The following DTWD2 variants were observed in gnomAD, a reference collection of about 807,000 sequenced individuals.
DTWD2 encodes DTW motif tRNA-uridine aminocarboxypropyltransferase 2, also known as tRNA-uridine aminocarboxypropyltransferase 2.
Under a neutral mutation model 31.8 loss-of-function variants are expected in DTWD2, and 39 were observed. That is an observed-to-expected ratio of 1.22 (90% CI 0.95 to 1.60). DTWD2 has a LOEUF of 1.60. Among genes scored for constraint, DTWD2 ranks in the 40% most tolerant of loss-of-function variants. The probability of loss-of-function intolerance (pLI) is 0.00; values close to 1 mark genes in which losing one functional copy is unlikely to be tolerated. For missense variants in DTWD2, 515 were observed against 381.5 expected, an observed-to-expected ratio of 1.35 and a Z score of -2.92; for synonymous variants, 180 against 142.8, an observed-to-expected ratio of 1.26 and a Z score of -1.86.
chr5:118,868,838 T>TAAAAA (rs758949446), intron 4 of DTWD2, among the ~76,000 whole-genome samples: 2 of 107,838 alleles, frequency 1.9e-5, no homozygotes, highest in Admixed American at 2.1e-4. Context: ...CCCTGTCTCT[T>TAAAAA]AAAAAAAAAA....
Position 118,974,656 on chromosome 5 carries a change from T to A in DTWD2, c.218+13638A>T, listed in dbSNP as rs776708025. 5 of 507,184 alleles carry A rather than the reference T, an allele frequency of 9.9e-6. No homozygotes were observed. The East Asian group carries it at 2.7e-4, about 28-fold the overall frequency. The allele number at this position is 507,184 out of a possible 1,614,324, so 31.4% of individuals were successfully genotyped here. ...CTGTACTATAAGTAGTTGGTTTGTA[T>A]GAGATGGTTAAAAAGGCCAAAGATA... is the stretch of plus-strand genomic sequence containing the variant. On this transcript the variant is annotated intron_variant, in intron 1 of 5. Transcript: ENST00000510708.
chr5:118,938,440 T>C (rs1181235101), intron 3 of DTWD2, among the ~76,000 whole-genome samples: 2 of 152,192 alleles, frequency 1.3e-5, no homozygotes, highest in South Asian at 2.1e-4. Context: ...GTATGTCTCT[T>C]AATCATTCCC....
chr5:118,869,179 T>C (rs966697920), intron 4 of DTWD2, among the ~76,000 whole-genome samples: 3 of 152,190 alleles, frequency 2.0e-5, no homozygotes, highest in Admixed American at 6.6e-5. Context: ...CACCGAACTA[T>C]ATATTTAAAA....
intron 4 of DTWD2, among the ~76,000 whole-genome samples, chr5:118,926,738 T>C (rs1213553218): frequency 6.6e-6 from 1 of 152,016 alleles, no homozygotes; most frequent in Non-Finnish European, 1.5e-5. Context: ...AGGGTCTCTC[T>C]CTGGCACCCA....
In DTWD2 at chr5:118,867,592, T is replaced by C. The variant is rs981162325; in HGVS notation, c.598-19374A>G. On this transcript the variant is annotated intron_variant, in intron 4 of 5. Coordinates refer to ENST00000510708, the MANE Select transcript of DTWD2 (RefSeq NM_173666.4). ...GTCTTCCATTTTCTTAACTAAATAT[T>C]ATGGAAGCATCTCAAAAAAATACAT... 7.2e-5 allele frequency among the ~76,000 whole-genome samples: 11 copies of C among 152,188 alleles called. No homozygotes were observed. In the East Asian group the frequency reaches 2.1e-3, roughly 29 times the overall value.
chr5:118,944,505 T>C, intron 2 of DTWD2, 54 bp downstream of exon 2: 1 of 1,533,446 alleles, frequency 6.5e-7, no homozygotes, highest in Middle Eastern at 1.7e-4. Context: ...ATCTTCGTGT[T>C]TCCTCTTGTG....
At chr5:118,880,092 TAA>T (rs1752708972) in intron 4 of DTWD2, among the ~76,000 whole-genome samples, 1 of 152,230 alleles carries the variant, frequency 6.6e-6, no homozygotes, top group Non-Finnish European at 1.5e-5. Flanking sequence ...TTTTGACAGT[TAA>T]AAGAGAGTTT....
intron 4 of DTWD2, among the ~76,000 whole-genome samples, chr5:118,871,266 C>A (rs570530722): frequency 3.9e-5 from 6 of 152,094 alleles, no homozygotes; most frequent in Admixed American, 1.3e-4. Context: ...AGTCTTGAAC[C>A]CCTCAAAGTC....
intron 1 of DTWD2, among the ~76,000 whole-genome samples, chr5:118,965,582 A>T (rs1754824668): frequency 6.6e-6 from 1 of 152,244 alleles, no homozygotes; most frequent in Non-Finnish European, 1.5e-5. Flanking sequence ...GTACTAAGAA[A>T]AATTCTTCTG....
At chr5:118,878,439 T>C (rs1752668614) in intron 4 of DTWD2, among the ~76,000 whole-genome samples, 1 of 152,188 alleles carries the variant, frequency 6.6e-6, no homozygotes, top group African/African-American at 2.4e-5. Flanking sequence ...TAAATGGTGC[T>C]AGGATAACTG....
chr5:118,918,295 G>T (rs941685704), intron 4 of DTWD2, among the ~76,000 whole-genome samples: 2 of 152,010 alleles, frequency 1.3e-5, no homozygotes, highest in Admixed American at 1.3e-4. Flanking sequence ...CAATCTGACC[G>T]CCAAGAGATG....
At chr5:118,954,046 G>A (rs1252898810) in intron 1 of DTWD2, among the ~76,000 whole-genome samples, 1 of 152,162 alleles carries the variant, frequency 6.6e-6, no homozygotes, top group East Asian at 1.9e-4. Flanking sequence ...TGAGGAGAAA[G>A]GATCACTTGA....
intron 2 of DTWD2, among the ~76,000 whole-genome samples, chr5:118,944,088 T>C (rs887712171): frequency 1.2e-4 from 18 of 152,258 alleles, no homozygotes; most frequent in African/African-American, 4.3e-4. Context: ...TCTTTACATA[T>C]AACATGCATT....
In DTWD2 at chr5:118,841,025, G is replaced by A; in HGVS notation, c.789C>T (p.Arg263=). The stretch of plus-strand genomic sequence containing the variant: ...TTTTCAGAAGGTGTTCCTTGCTGAG[G>A]CGAATTTGGGCACCATGCTGAAGTT... The part of the protein sequence containing the change: ...SFQLQHGAQI[R]LSKEHLLKNG... Residue 263 remains arginine, a synonymous_variant, in exon 6 of 6, where the codon CGC becomes CGT. Transcript: ENST00000510708. 6.2e-7 allele frequency: 1 copy of A among 1,613,564 alleles called. No homozygotes were observed. Among genetic ancestry groups the A allele is most frequent in the Non-Finnish European group, 8.5e-7 (1 of 1,179,724 alleles).
rs1357795642 is a variant in DTWD2 at position 118,988,288 on chromosome 5, G to C, written c.218+6C>G. The C allele has an allele frequency of 9.8e-6, 15 of 1,524,016 alleles. No individual in the cohort carries two copies. Among genetic ancestry groups the C allele is most frequent in the Non-Finnish European group, 2.6e-6 (3 of 1,140,350 alleles). 94.4% of individuals were successfully genotyped at this position (1,524,016 alleles called of 1,614,324 possible). On this transcript the variant is annotated splice_donor_region_variant and intron_variant, in intron 1 of 5. Coordinates refer to ENST00000510708, the MANE Select transcript of DTWD2 (RefSeq NM_173666.4). ...CTGCAGTCCCCGCCCCCAGCCCCGC[G>C]GTCACCTGCAGCGGGTGCACTCAGG...
chr5:118,884,227 GT>G (rs1223466750), intron 4 of DTWD2, among the ~76,000 whole-genome samples: 6 of 152,216 alleles, frequency 3.9e-5, no homozygotes, highest in African/African-American at 1.2e-4. Flanking sequence ...CATACATGTA[GT>G]TCCTTTTGTA....
chr5:118,862,373 C>A (rs955931710), intron 4 of DTWD2, among the ~76,000 whole-genome samples: 9 of 152,114 alleles, frequency 5.9e-5, no homozygotes, highest in Admixed American at 5.9e-4. Flanking sequence ...GGAGGGCATC[C>A]TTTTACATCC....
intron 1 of DTWD2, among the ~76,000 whole-genome samples, chr5:118,949,518 T>A (rs1163274737): frequency 6.6e-6 from 1 of 152,136 alleles, no homozygotes; most frequent in African/African-American, 2.4e-5. Context: ...ACTTGTCTGG[T>A]TTTTGGATGG....
chr5:118,951,845 T>C (rs1418084504), intron 1 of DTWD2, among the ~76,000 whole-genome samples: 1 of 152,016 alleles, frequency 6.6e-6, no homozygotes, highest in Non-Finnish European at 1.5e-5. Flanking sequence ...AAGGCAGGCG[T>C]CCCCATGGTG....
Sources: allele counts gnomAD v4.1 joint callset (sites outside exome capture counted in the v4.1 genomes callset), GRCh38; gene constraint gnomAD v4.1.1; transcripts MANE v1.5; gene names NCBI Gene and HGNC (gene_info 2026-07-23, HGNC 2026-07-21).